Variants in CCDC141 observed in about 807,000 individuals in gnomAD.
CCDC141 encodes coiled-coil domain-containing protein 141.
Under a neutral mutation model 181.0 loss-of-function variants are expected in CCDC141, and 168 were observed. The observed-to-expected ratio is 0.93, with a 90% confidence interval of 0.82 to 1.05. The LOEUF (loss-of-function observed/expected upper bound fraction) is 1.05, where lower values mean the gene tolerates loss of function less well. Ranked by LOEUF, CCDC141 falls within the 50% of genes least tolerant of loss-of-function variation. The probability of loss-of-function intolerance (pLI) is 0.00; values close to 1 mark genes in which losing one functional copy is unlikely to be tolerated. For synonymous variants in CCDC141, 666 were observed against 642.3 expected, an observed-to-expected ratio of 1.04 and a Z score of -0.56; for missense variants, 1,902 against 1,788.5, an observed-to-expected ratio of 1.06 and a Z score of -1.14.
intron 6 of CCDC141, among the ~76,000 whole-genome samples, chr2:178,935,912 T>C (rs1689267161): frequency 6.6e-6 from 1 of 152,230 alleles, no homozygotes; most frequent in South Asian, 2.1e-4. Context: ...AAGTGTCTGT[T>C]CATGTCCTTT....
chr2:178,940,518 T>G (rs1426301013), intron 6 of CCDC141, among the ~76,000 whole-genome samples: 1 of 152,050 alleles, frequency 6.6e-6, no homozygotes, highest in East Asian at 1.9e-4. Context: ...ATGTGAGGGA[T>G]AGAGAGAATA....
At chr2:178,936,709 C>A (rs1449423594) in intron 6 of CCDC141, among the ~76,000 whole-genome samples, 2 of 152,070 alleles carry the variant, frequency 1.3e-5, no homozygotes, top group East Asian at 1.9e-4. Context: ...TAATGATATT[C>A]ATTCTTCCTA....
At chr2:178,860,543 CTTT>C (rs71023458) in intron 17 of CCDC141, among the ~76,000 whole-genome samples, 2 of 51,336 alleles carry the variant, frequency 3.9e-5, no homozygotes, top group East Asian at 7.6e-4. Context: ...AAAAACAACA[CTTT>C]TTTTTTTTTT....
At chr2:179,029,774 G>C (rs2042952633) in intron 2 of CCDC141, among the ~76,000 whole-genome samples, 1 of 152,148 alleles carries the variant, frequency 6.6e-6, no homozygotes, top group East Asian at 1.9e-4. Context: ...TTTCAGGGTT[G>C]AAAATGTTGT....
intron 2 of CCDC141, among the ~76,000 whole-genome samples, chr2:179,020,587 T>TC (rs1193638355): frequency 1.3e-5 from 2 of 152,016 alleles, no homozygotes; most frequent in East Asian, 3.9e-4. Context: ...TTAATCAGAG[T>TC]GTGAGTCCCA....
rs952366362 is a variant in CCDC141, at chr2:178,832,991, C to G, written c.*1182G>C. The G allele has an allele frequency of 6.6e-6, 1 of 152,118 alleles. No individual in the cohort carries two copies. Among genetic ancestry groups the G allele is most frequent in the Non-Finnish European group, 1.5e-5 (1 of 68,004 alleles). 9.4% of individuals were successfully genotyped at this position (152,118 alleles called of 1,614,324 possible). A position where few individuals can be genotyped will look rare whatever the true frequency, so the allele number is the denominator to read the frequency against. On this transcript the variant is annotated 3_prime_UTR_variant, in exon 24 of 24. Transcript: ENST00000443758. ...AGGATAGAATTCATCTCATACCATT[C>G]TATTACGTTTCCCCCTAGAACAAAC...
rs143992775 is a variant in CCDC141 at position 178,921,359 on chromosome 2, T to C, written c.898-2452A>G. 2.3e-3 allele frequency among the ~76,000 whole-genome samples: 345 copies of C among 152,336 alleles called. 1 individual carries two copies. The highest frequency in any genetic ancestry group is 7.7e-3 in the African/African-American group (321 of 41,564). ...CACATAATAGGCACTCACTAAGTGTTAGTCCCACTTTTCTGAGCATCAGTT... is the reference window on the plus strand; with the variant it reads ...CACATAATAGGCACTCACTAAGTGTCAGTCCCACTTTTCTGAGCATCAGTT... On this transcript the variant is annotated intron_variant, in intron 6 of 23. Transcript: ENST00000443758.
intron 22 of CCDC141, among the ~76,000 whole-genome samples, chr2:178,840,545 G>A (rs536039488): frequency 2.0e-5 from 3 of 152,292 alleles, no homozygotes; most frequent in African/African-American, 7.2e-5. Flanking sequence ...CTGTCTCTAT[G>A]AGGCCCTCAC....
At chr2:178,897,213 T>C (rs1687453307) in intron 8 of CCDC141, among the ~76,000 whole-genome samples, 1 of 152,198 alleles carries the variant, frequency 6.6e-6, no homozygotes, top group South Asian at 2.1e-4. Context: ...CTGTTGGCTA[T>C]TTCTTACCAC....
chr2:178,920,237 T>A (rs1688625751), intron 6 of CCDC141, among the ~76,000 whole-genome samples: 1 of 152,198 alleles, frequency 6.6e-6, no homozygotes, highest in African/African-American at 2.4e-5. Context: ...TCTGACTCCA[T>A]CCTGCCTTGT....
chr2:178,988,013 T>C (rs1295875512), intron 2 of CCDC141, among the ~76,000 whole-genome samples: 1 of 151,776 alleles, frequency 6.6e-6, no homozygotes, highest in Non-Finnish European at 1.5e-5. Context: ...TAAAGACACA[T>C]GCACACGTAT....
intron 2 of CCDC141, among the ~76,000 whole-genome samples, chr2:179,009,102 A>G (rs1442513395): frequency 2.0e-5 from 3 of 152,160 alleles, no homozygotes; most frequent in Admixed American, 2.0e-4. Flanking sequence ...GGACCTTGAT[A>G]CATGCTTTTC....
At chr2:178,894,153 T>G (rs896495458) in intron 8 of CCDC141, among the ~76,000 whole-genome samples, 1 of 152,098 alleles carries the variant, frequency 6.6e-6, no homozygotes, top group South Asian at 2.1e-4. Context: ...CAAGCCCTCT[T>G]CTGGTTTCCT....
intron 2 of CCDC141, among the ~76,000 whole-genome samples, chr2:178,999,540 CT>C: frequency 6.6e-6 from 1 of 152,230 alleles, no homozygotes; most frequent in Non-Finnish European, 1.5e-5. Context: ...ACTCACGAAT[CT>C]TTCCATGCTG....
chr2:179,031,102 T>C (rs2042987694), intron 2 of CCDC141, among the ~76,000 whole-genome samples: 1 of 152,010 alleles, frequency 6.6e-6, no homozygotes, highest in African/African-American at 2.4e-5. Flanking sequence ...AGTTTTAATA[T>C]AAAAAAGACT....
chr2:178,868,368 A>G (rs1324843702), intron 15 of CCDC141, among the ~76,000 whole-genome samples, 163 bp from the exon 16 acceptor site: 1 of 152,172 alleles, frequency 6.6e-6, no homozygotes, highest in Non-Finnish European at 1.5e-5. Flanking sequence ...CTGCAAATCC[A>G]ATGGTGGTAA....
chr2:178,888,436 G>A (rs1444517479), intron 9 of CCDC141, 91 bp downstream of exon 9: 1 of 1,180,530 alleles, frequency 8.5e-7, no homozygotes, highest in African/African-American at 1.5e-5. Context: ...AAGGAGACAT[G>A]CCCCTGTCCT....
At chr2:178,987,310 A>C (rs1286267906) in intron 2 of CCDC141, among the ~76,000 whole-genome samples, 19 of 152,122 alleles carry the variant, frequency 1.2e-4, no homozygotes, top group Non-Finnish European at 2.4e-4. Context: ...CATATACAAA[A>C]ATCAATTCAA....
At chr2:179,006,351 T>C (rs899882427) in intron 2 of CCDC141, among the ~76,000 whole-genome samples, 1 of 152,206 alleles carries the variant, frequency 6.6e-6, no homozygotes, top group Non-Finnish European at 1.5e-5. Context: ...CTATGTAAGA[T>C]GTTGGTAGAT....
Sources: gnomAD v4.1 joint callset for allele counts (sites outside exome capture counted in the v4.1 genomes callset) on GRCh38, gnomAD v4.1.1 for gene constraint, MANE v1.5 for transcripts, NCBI Gene and HGNC (gene_info 2026-07-23, HGNC 2026-07-21) for gene names.